ZNF407: variants seen among roughly 807,000 people sequenced by gnomAD.
ZNF407 encodes the protein zinc finger protein 407.
Under a neutral mutation model 131.2 loss-of-function variants are expected in ZNF407, and 17 were observed. The observed-to-expected ratio is 0.13, with a 90% CI of 0.09 to 0.19. The LOEUF is 0.19. Among genes scored for constraint, ZNF407 ranks in the 10% least tolerant of loss-of-function variants. The pLI, the probability that ZNF407 is intolerant of heterozygous loss-of-function variation, is 1.00. For synonymous variants in ZNF407, 1,156 were observed against 1,062.0 expected, an observed-to-expected ratio of 1.09 and a Z score of -1.72; for missense variants, 2,681 against 2,830.6, an observed-to-expected ratio of 0.95 and a Z score of 1.20.
chr18:74,740,376 C>T (rs539782940), intron 3 of ZNF407, among the ~76,000 whole-genome samples: 94 of 152,276 alleles, frequency 6.2e-4, no homozygotes, highest in Non-Finnish European at 1.1e-3. Context: ...AACCTAATAC[C>T]TTCTGCAAGG....
intron 3 of ZNF407, among the ~76,000 whole-genome samples, chr18:74,707,411 C>G (rs1967652058): frequency 6.6e-6 from 1 of 152,128 alleles, no homozygotes; most frequent in South Asian, 2.1e-4. Context: ...TTTCAGACTT[C>G]AAATTTTTTT....
At chr18:74,896,268 T>C (rs1355238716) in intron 7 of ZNF407, among the ~76,000 whole-genome samples, 1 of 151,920 alleles carries the variant, frequency 6.6e-6, no homozygotes, top group African/African-American at 2.4e-5. Context: ...AAAACTATTT[T>C]TGTCATTTAA....
intron 3 of ZNF407, among the ~76,000 whole-genome samples, chr18:74,733,838 G>A (rs1342749950): frequency 6.6e-6 from 1 of 152,190 alleles, no homozygotes; most frequent in Non-Finnish European, 1.5e-5. Context: ...TCCTGCAGTT[G>A]AGCAGTGGTG....
At position 74,794,095 on chromosome 18, in the gene ZNF407, G is replaced by T. The variant is rs150592110; in HGVS notation, c.4877+12593G>T. 2.6e-5 allele frequency among the ~76,000 whole-genome samples: 4 copies of T among 152,320 alleles called. No homozygotes were observed. In the East Asian group the frequency reaches 7.7e-4, roughly 29 times the overall value. On this transcript the variant is annotated intron_variant, in intron 4 of 8. Transcript: ENST00000299687. ...GAGAACTTTCTCTCCGAAGCCTCTG[G>T]TGTTTGGTTTGTCACTGAGCTCTGC...
chr18:74,934,231 G>A (rs1349425982), intron 8 of ZNF407, among the ~76,000 whole-genome samples: 3 of 152,188 alleles, frequency 2.0e-5, no homozygotes, highest in African/African-American at 7.2e-5. Context: ...GTTTGTGAAG[G>A]AAAAGGCAAG....
intron 3 of ZNF407, among the ~76,000 whole-genome samples, chr18:74,765,851 T>G (rs1186345358): frequency 6.6e-6 from 1 of 152,214 alleles, no homozygotes; most frequent in East Asian, 1.9e-4. Flanking sequence ...CTTTACCTGA[T>G]GTGCTATTTC....
intron 4 of ZNF407, among the ~76,000 whole-genome samples, chr18:74,850,037 A>T (rs1799708933): frequency 6.6e-6 from 1 of 152,208 alleles, no homozygotes; most frequent in African/African-American, 2.4e-5. Flanking sequence ...TCATGAAATT[A>T]TACCTGAAGC....
Position 75,063,570 on chromosome 18 carries a change from G to A in ZNF407, c.5849G>A (p.Gly1950Asp). The A allele has an allele frequency of 2.6e-6, 4 of 1,566,906 alleles. No homozygotes were observed. Among genetic ancestry groups the A allele is most frequent in the Non-Finnish European group, 3.5e-6 (4 of 1,157,438 alleles). Residue 1950 changes from glycine (G) to aspartate (D), a missense_variant, in exon 9 of 9, where the codon GGC becomes GAC. Physicochemically the swap from Gly to Asp is moderately conservative, Grantham distance 94. Coordinates refer to ENST00000299687, the MANE Select transcript of ZNF407 (RefSeq NM_017757.3). This position sits in a 1 kb window ranked among gnomAD's most constrained non-coding sequence, Gnocchi z 6.6. ...GTCGTCGTGGGGGGCTCCATGGAAG[G>A]CCACGGCATGGATGAGTCCCTCAGT... ...QVVVVGGSME[G>D]HGMDESLSPG...
intron 5 of ZNF407, 40 bp from the exon 6 acceptor site, chr18:74,880,996 G>T (rs200381613): frequency 5.7e-5 from 87 of 1,533,210 alleles, no homozygotes; most frequent in Non-Finnish European, 7.5e-5. Context: ...TTAATGATCT[G>T]TGACCTCCGC....
chr18:75,063,668 C>A lies in ZNF407; in HGVS notation c.5947C>A (p.Pro1983Thr). The A allele has an allele frequency of 6.2e-7, 1 of 1,608,890 alleles. No individual in the cohort carries two copies. The change falls in exon 9 of 9, where the codon CCC (proline) becomes ACC (threonine). Residue 1983 changes from proline to threonine, a missense_variant. Transcript: ENST00000299687. This position sits in a 1 kb window ranked among gnomAD's most constrained non-coding sequence, Gnocchi z 6.6. ...LNLSEAGVAP[P>T]EASSALDALL... ...CCTCTCGGAGGCTGGAGTCGCTCCCCCCGAGGCATCCTCAGCCCTGGATGC... is the reference window on the plus strand; with the variant it reads ...CCTCTCGGAGGCTGGAGTCGCTCCCACCGAGGCATCCTCAGCCCTGGATGC...
At chr18:74,836,154 G>A (rs975788140) in intron 4 of ZNF407, among the ~76,000 whole-genome samples, 4 of 152,124 alleles carry the variant, frequency 2.6e-5, no homozygotes, top group Admixed American at 6.5e-5. Context: ...AAAATATTTA[G>A]TCATGCACGT....
chr18:74,710,707 T>C (rs1967738653), intron 3 of ZNF407, among the ~76,000 whole-genome samples: 1 of 152,224 alleles, frequency 6.6e-6, no homozygotes, highest in South Asian at 2.1e-4. Flanking sequence ...TGCTTTTTTT[T>C]CTTTAAAAAC....
chr18:74,890,244 A>G (rs1220486369), intron 7 of ZNF407, among the ~76,000 whole-genome samples: 3 of 152,194 alleles, frequency 2.0e-5, no homozygotes, highest in African/African-American at 7.2e-5. Flanking sequence ...AGGATGGTAG[A>G]GAAATGAGTC....
intron 3 of ZNF407, among the ~76,000 whole-genome samples, chr18:74,682,358 G>A (rs1199879436): frequency 1.3e-5 from 2 of 152,220 alleles, no homozygotes; most frequent in African/African-American, 2.4e-5. Flanking sequence ...TTTCAACAGA[G>A]CGGGGCAGCA....
intron 3 of ZNF407, among the ~76,000 whole-genome samples, chr18:74,767,781 G>A (rs1230029006): frequency 2.7e-5 from 4 of 148,906 alleles, no homozygotes; most frequent in Non-Finnish European, 5.9e-5. Context: ...AGCCTCCTGA[G>A]TAGCTGGGAC....
chr18:74,900,313 G>A (rs566157531), intron 7 of ZNF407, among the ~76,000 whole-genome samples: 72 of 152,224 alleles, frequency 4.7e-4, no homozygotes, highest in African/African-American at 1.7e-3. Context: ...ATGTGGCTGC[G>A]ATAAGAACTT....
At chr18:74,708,548 G>T (rs546815863) in intron 3 of ZNF407, among the ~76,000 whole-genome samples, 1 of 152,152 alleles carries the variant, frequency 6.6e-6, no homozygotes, top group African/African-American at 2.4e-5. Context: ...GACTAGTGAA[G>T]ACCCAAAGAA....
intron 4 of ZNF407, among the ~76,000 whole-genome samples, chr18:74,852,193 A>ACG (rs1568241524): frequency 2.1e-4 from 14 of 67,968 alleles, no homozygotes; most frequent in South Asian, 6.9e-4. Context: ...ACACACACAC[A>ACG]CACACGCACG....
At chr18:74,990,478 A>C (rs2122135862) in intron 8 of ZNF407, among the ~76,000 whole-genome samples, 1 of 152,338 alleles carries the variant, frequency 6.6e-6, no homozygotes, top group Non-Finnish European at 1.5e-5. Context: ...GCATGCTATT[A>C]AACAATTTGA....
Sources: allele counts gnomAD v4.1 joint callset (sites outside exome capture counted in the v4.1 genomes callset), GRCh38; gene constraint gnomAD v4.1.1; non-coding constraint Gnocchi (gnomAD v3.1); transcripts MANE v1.5; gene names NCBI Gene and HGNC (gene_info 2026-07-23, HGNC 2026-07-21).